The following CLVS2 variants were observed in gnomAD, a reference collection of about 807,000 sequenced individuals.
CLVS2 encodes the protein clavesin 2.
In CLVS2, 19 loss-of-function variants were observed where a neutral mutation model predicts 29.0. The observed-to-expected ratio is 0.66, with a 90% confidence interval of 0.46 to 0.96. CLVS2 has a LOEUF of 0.96. Among genes scored for constraint, CLVS2 ranks in the 40% least tolerant of loss-of-function variants. The pLI, the probability that CLVS2 is intolerant of heterozygous loss-of-function variation, is 0.00. For synonymous variants in CLVS2, 161 were observed against 151.3 expected, an observed-to-expected ratio of 1.06 and a Z score of -0.47; for missense variants, 294 against 404.1, an observed-to-expected ratio of 0.73 and a Z score of 2.34.
At chr6:123,027,020 A>G (rs1038387786) in intron 3 of CLVS2, among the ~76,000 whole-genome samples, 1 of 152,236 alleles carries the variant, frequency 6.6e-6, no homozygotes, top group East Asian at 1.9e-4. Context: ...GGGAAACAGC[A>G]TGAGCTAAGG....
At position 123,071,697 on chromosome 6, in the gene CLVS2, C is replaced by T. The variant is rs1009646059; in HGVS notation, c.*7936C>T. 3 of 152,004 alleles carry T rather than the reference C, an allele frequency of 2.0e-5. No individual in the cohort carries two copies. Among genetic ancestry groups the T allele is most frequent in the African/African-American group, 7.2e-5 (3 of 41,506 alleles). 9.4% of individuals were successfully genotyped at this position (152,004 alleles called of 1,614,324 possible). A position where few individuals can be genotyped will look rare whatever the true frequency, so the allele number is the denominator to read the frequency against. ...GAAGAAAAAGGAAAGACATTGTGTTCGTATCTTCTCTGCAACAATTATAAA... is the reference window on the plus strand; with the variant it reads ...GAAGAAAAAGGAAAGACATTGTGTTTGTATCTTCTCTGCAACAATTATAAA... On this transcript the variant is annotated 3_prime_UTR_variant, in exon 6 of 6. Transcript: ENST00000275162.
At chr6:123,009,238 A>T (rs1328614679) in intron 2 of CLVS2, among the ~76,000 whole-genome samples, 1 of 152,070 alleles carries the variant, frequency 6.6e-6, no homozygotes, top group Non-Finnish European at 1.5e-5. Flanking sequence ...AGATAGGGAC[A>T]GTTAACTGAT....
chr6:123,000,833 G>C (rs1331791773), intron 2 of CLVS2, among the ~76,000 whole-genome samples: 1 of 152,168 alleles, frequency 6.6e-6, no homozygotes, highest in Admixed American at 6.5e-5. Context: ...TTAAAAAGTA[G>C]CCTGTTTTAA....
In CLVS2 at chr6:123,064,146, A is replaced by G. The variant is rs1281806648; in HGVS notation, c.*385A>G. 6.3e-6 allele frequency: 1 copy of G among 158,330 alleles called. No homozygotes were observed. The highest frequency in any genetic ancestry group is 1.4e-5 in the Non-Finnish European group (1 of 72,188). 9.8% of individuals were successfully genotyped at this position (158,330 alleles called of 1,614,324 possible). On this transcript the variant is annotated 3_prime_UTR_variant, in exon 6 of 6. Coordinates refer to ENST00000275162, the MANE Select transcript of CLVS2 (RefSeq NM_001010852.4). ...GTAGCCCTCTTTCCTATGAAGCCATATTTCAGCTCTCATAGTGATTGTTTC... is the reference window on the plus strand; with the variant it reads ...GTAGCCCTCTTTCCTATGAAGCCATGTTTCAGCTCTCATAGTGATTGTTTC...
rs1031379200 is a variant in CLVS2, at chr6:123,066,948, C to A, written c.*3187C>A. On this transcript the variant is annotated 3_prime_UTR_variant, in exon 6 of 6. Transcript: ENST00000275162. ...TAGTACATGTTAATGATAAACGTGGCACTAGGCTAAAACGATATACGAGTA... is the reference window on the plus strand; with the variant it reads ...TAGTACATGTTAATGATAAACGTGGAACTAGGCTAAAACGATATACGAGTA... 6.6e-6 allele frequency: 1 copy of A among 151,624 alleles called. No individual in the cohort carries two copies. The highest frequency in any genetic ancestry group is 1.5e-5 in the Non-Finnish European group (1 of 67,700). 9.4% of individuals were successfully genotyped at this position (151,624 alleles called of 1,614,324 possible).
intron 2 of CLVS2, among the ~76,000 whole-genome samples, chr6:123,001,400 T>TA (rs1010711956): frequency 2.6e-5 from 4 of 151,000 alleles, no homozygotes; most frequent in Non-Finnish European, 4.4e-5. Context: ...CTAACAAATC[T>TA]AAAAAAAAAT....
At chr6:123,053,231 C>G (rs1395700299) in intron 4 of CLVS2, among the ~76,000 whole-genome samples, 1 of 152,114 alleles carries the variant, frequency 6.6e-6, no homozygotes, top group Non-Finnish European at 1.5e-5. Context: ...GTAGTCCCAG[C>G]TACTCGAGAG....
At chr6:123,054,798 A>G (rs1447271071) in intron 4 of CLVS2, among the ~76,000 whole-genome samples, 2 of 152,050 alleles carry the variant, frequency 1.3e-5, no homozygotes. Flanking sequence ...ACAAATCTTG[A>G]GTATGTGGCT....
rs1772940701 is a variant in CLVS2 at position 123,071,058 on chromosome 6, CCATA to C, written c.*7300_*7303del. On this transcript the variant is annotated 3_prime_UTR_variant, in exon 6 of 6. Coordinates refer to ENST00000275162, the MANE Select transcript of CLVS2 (RefSeq NM_001010852.4). ...TCCATAGCATTTATCACCTGATACACCATACAGATTATTTATTTACTTTGCATTT... is the reference window on the plus strand; with the variant it reads ...TCCATAGCATTTATCACCTGATACACCAGATTATTTATTTACTTTGCATTT... The C allele has an allele frequency of 6.6e-6, 1 of 151,902 alleles. No individual in the cohort carries two copies. The highest frequency in any genetic ancestry group is 1.5e-5 in the Non-Finnish European group (1 of 67,920). 9.4% of individuals were successfully genotyped at this position (151,902 alleles called of 1,614,324 possible).
intron 3 of CLVS2, among the ~76,000 whole-genome samples, chr6:123,021,454 C>T (rs1470695267): frequency 6.6e-6 from 1 of 151,784 alleles, no homozygotes; most frequent in Non-Finnish European, 1.5e-5. Flanking sequence ...ATTTTTTCCT[C>T]TGATTTTTTT....
intron 3 of CLVS2, among the ~76,000 whole-genome samples, chr6:123,043,531 T>A (rs1775264423): frequency 6.6e-6 from 1 of 152,112 alleles, no homozygotes; most frequent in Non-Finnish European, 1.5e-5. Context: ...AGTGATTAAA[T>A]AAAAATATTT....
chr6:123,024,167 T>TA (rs1276615636), intron 3 of CLVS2, among the ~76,000 whole-genome samples: 5 of 152,182 alleles, frequency 3.3e-5, no homozygotes, highest in African/African-American at 4.8e-5. Flanking sequence ...ATGTTCTTTT[T>TA]AAAAAACCAT....
chr6:123,022,929 T>G (rs920059804), intron 3 of CLVS2, among the ~76,000 whole-genome samples: 4 of 152,072 alleles, frequency 2.6e-5, no homozygotes, highest in African/African-American at 7.2e-5. Flanking sequence ...AACTGAGGCA[T>G]GGTGTCTTAA....
chr6:123,021,745 G>A (rs1774924030), intron 3 of CLVS2, among the ~76,000 whole-genome samples: 1 of 152,050 alleles, frequency 6.6e-6, no homozygotes, highest in South Asian at 2.1e-4. Flanking sequence ...AGCCTTCTCT[G>A]GCATCACTCA....
At chr6:123,019,816 C>T (rs2114319204) in intron 3 of CLVS2, among the ~76,000 whole-genome samples, 1 of 152,052 alleles carries the variant, frequency 6.6e-6, no homozygotes, top group South Asian at 2.1e-4. Flanking sequence ...TGAGACCTTG[C>T]AGGGCTGATG....
At chr6:123,024,700 T>TA (rs1401484306) in intron 3 of CLVS2, among the ~76,000 whole-genome samples, 1 of 152,122 alleles carries the variant, frequency 6.6e-6, no homozygotes, top group African/African-American at 2.4e-5. Flanking sequence ...ATTAGAGAAA[T>TA]ACTTTCTTGA....
chr6:123,051,575 T>C (rs1772611714), intron 4 of CLVS2, among the ~76,000 whole-genome samples: 1 of 152,226 alleles, frequency 6.6e-6, no homozygotes, highest in East Asian at 1.9e-4. Flanking sequence ...ACTTAAAAGT[T>C]GATGGGAAAC....
chr6:123,012,202 C>G (rs772619181), intron 3 of CLVS2, among the ~76,000 whole-genome samples: 3 of 151,912 alleles, frequency 2.0e-5, no homozygotes, highest in African/African-American at 4.8e-5. Context: ...TTTTAAAAAC[C>G]TCCACAGGGA....
intron 2 of CLVS2, among the ~76,000 whole-genome samples, chr6:123,004,371 G>A (rs1774633541): frequency 6.6e-6 from 1 of 152,166 alleles, no homozygotes; most frequent in African/African-American, 2.4e-5. Context: ...CATTCCCACA[G>A]CAGTAAAATT....
Sources: gnomAD v4.1 joint callset for allele counts (sites outside exome capture counted in the v4.1 genomes callset) on GRCh38, gnomAD v4.1.1 for gene constraint, MANE v1.5 for transcripts, NCBI Gene and HGNC (gene_info 2026-07-23, HGNC 2026-07-21) for gene names.